The following CD226 variants were observed in gnomAD, a reference collection of about 807,000 sequenced individuals.
CD226 encodes CD226 antigen.
In CD226, 24 loss-of-function variants were observed where a neutral mutation model predicts 34.9. The ratio of observed to expected loss-of-function variants is 0.69; its 90% confidence interval spans 0.50 to 0.97. The LOEUF (loss-of-function observed/expected upper bound fraction) is 0.97, where lower values mean the gene tolerates loss of function less well. CD226 is among the 50% of genes least tolerant of loss of function. CD226 has a pLI of 0.00. For missense variants in CD226, 397 were observed against 412.7 expected (o/e 0.96, Z 0.33); for synonymous variants, 148 against 147.4 (o/e 1.00, Z -0.03).
upstream of CD226, among the ~76,000 whole-genome samples, chr18:69,951,589 T>A (rs1448424064): frequency 1.3e-5 from 2 of 152,128 alleles, no homozygotes; most frequent in African/African-American, 4.8e-5. Flanking sequence ...CTCTGAAGTC[T>A]GAACATATTA....
chr18:69,874,828 A>C (rs560306723), intron 3 of CD226, among the ~76,000 whole-genome samples: 1 of 152,106 alleles, frequency 6.6e-6, no homozygotes, highest in East Asian at 1.9e-4. Context: ...GTCATACAAA[A>C]TTTTTTCTTT....
In CD226 at chr18:69,856,462, T is replaced by C. The variant is rs1982612858; in HGVS notation, c.*7852A>G. The C allele has an allele frequency of 6.6e-6, 1 of 152,196 alleles. No individual in the cohort carries two copies. The highest frequency in any genetic ancestry group is 2.4e-5 in the African/African-American group (1 of 41,462). The allele number at this position is 152,196 out of a possible 1,614,324, so 9.4% of individuals were successfully genotyped here. ...AACGGTGGTATCAATCAGTTTAATC[T>C]AATGGACATTTGTAGAATATTACAC... On this transcript the variant is annotated 3_prime_UTR_variant, in exon 6 of 6. Transcript: ENST00000582621.
At position 69,873,232 on chromosome 18, in the gene CD226, G is replaced by C; in HGVS notation, c.742C>G (p.Gln248Glu). Reference protein sequence around the residue: ...LTVAEGKTDNQYTLFVAGGTV... With the variant: ...LTVAEGKTDNEYTLFVAGGTV... The stretch of plus-strand genomic sequence containing the variant: ...CCTCCAGCCACAAAGAGGGTATATT[G>C]GTTATCGGTTTTACCTAGGAGAGAA... Residue 248 changes from glutamine to glutamate, a missense_variant, in exon 4 of 6, where the codon CAA becomes GAA. By Grantham distance (29) the Gln-to-Glu change is conservative. Transcript: ENST00000582621. The C allele has an allele frequency of 6.3e-7, 1 of 1,598,084 alleles. No individual in the cohort carries two copies. Among genetic ancestry groups the C allele is most frequent in the Non-Finnish European group, 8.6e-7 (1 of 1,165,924 alleles).
intron 3 of CD226, among the ~76,000 whole-genome samples, chr18:69,891,812 T>C (rs1415180380): frequency 6.6e-6 from 1 of 152,236 alleles, no homozygotes; most frequent in Non-Finnish European, 1.5e-5. Context: ...CTGAAAATCA[T>C]ATAGCAACTT....
At chr18:69,903,714 C>T (rs2055215616) in intron 2 of CD226, among the ~76,000 whole-genome samples, 1 of 151,982 alleles carries the variant, frequency 6.6e-6, no homozygotes, top group Admixed American at 6.6e-5. Context: ...TTGATGCTTC[C>T]ACGAGCCAAG....
chr18:69,865,934 G>C (rs1983114844), intron 5 of CD226, among the ~76,000 whole-genome samples: 1 of 152,098 alleles, frequency 6.6e-6, no homozygotes, highest in Non-Finnish European at 1.5e-5. Flanking sequence ...ACTGTAGACT[G>C]GGTTGCTTAA....
chr18:69,890,541 A>G (rs940542579), intron 3 of CD226, among the ~76,000 whole-genome samples: 1 of 152,254 alleles, frequency 6.6e-6, no homozygotes, highest in African/African-American at 2.4e-5. Flanking sequence ...AGTTTGAGAA[A>G]TCCAAGATGC....
chr18:69,877,876 G>C (rs1450181706), intron 3 of CD226, among the ~76,000 whole-genome samples: 1 of 152,218 alleles, frequency 6.6e-6, no homozygotes, highest in East Asian at 1.9e-4. Flanking sequence ...GAGTCAGGTA[G>C]AGATTCAATC....
chr18:69,906,350 C>T (rs1374488012), intron 2 of CD226, among the ~76,000 whole-genome samples: 3 of 152,166 alleles, frequency 2.0e-5, no homozygotes, highest in Non-Finnish European at 4.4e-5. Context: ...ATCAGAGGTT[C>T]ACCATTGCTA....
upstream of CD226, among the ~76,000 whole-genome samples, chr18:69,959,269 C>T (rs145275081): frequency 2.0e-4 from 30 of 152,194 alleles, no homozygotes; most frequent in African/African-American, 6.7e-4. Flanking sequence ...AACAAATGGA[C>T]GTAAAGAGGG....
At position 69,926,126 on chromosome 18, in the gene CD226, G is replaced by C. The variant is rs2055518747; in HGVS notation, c.382+20608C>G. 2.0e-5 allele frequency among the ~76,000 whole-genome samples: 3 copies of C among 152,056 alleles called. No homozygotes were observed. In the South Asian group the frequency reaches 6.2e-4, roughly 32 times the overall value. On this transcript the variant is annotated intron_variant, in intron 2 of 5. Transcript: ENST00000582621. The stretch of plus-strand genomic sequence containing the variant: ...CCACTGCACTCCAGACTGGGCGACA[G>C]AGTGAGACTCCATCTCAAAACAACA...
chr18:69,863,417 G>T lies in CD226; in HGVS notation c.*897C>A, dbSNP rs1012242772. On this transcript the variant is annotated 3_prime_UTR_variant, in exon 6 of 6. Transcript: ENST00000582621. ...TGCTCCTAAGGCTAGACCTGGGATG[G>T]CGGCAAGAATTCTATACAGAATGAG... 6.6e-6 allele frequency: 1 copy of T among 152,112 alleles called. No homozygotes were observed. The highest frequency in any genetic ancestry group is 1.5e-5 in the Non-Finnish European group (1 of 68,020). The allele number at this position is 152,112 out of a possible 1,614,324, so 9.4% of individuals were successfully genotyped here.
At chr18:69,924,375 C>T (rs1231604446) in intron 2 of CD226, among the ~76,000 whole-genome samples, 3 of 152,002 alleles carry the variant, frequency 2.0e-5, no homozygotes. Flanking sequence ...CACTTTGAAT[C>T]ATCTGTCATG....
chr18:69,940,993 G>A (rs936210623), intron 2 of CD226, among the ~76,000 whole-genome samples: 4 of 152,190 alleles, frequency 2.6e-5, no homozygotes, highest in East Asian at 1.9e-4. Flanking sequence ...TCCCAGCCAC[G>A]GCTAAAAGGG....
At chr18:69,888,813 A>G (rs1598973127) in intron 3 of CD226, among the ~76,000 whole-genome samples, 6 of 152,330 alleles carry the variant, frequency 3.9e-5, no homozygotes, top group East Asian at 3.9e-4. Flanking sequence ...ATGTTCTTCA[A>G]TATAATAGTG....
chr18:69,919,228 C>T (rs1056455603), intron 2 of CD226, among the ~76,000 whole-genome samples: 13 of 152,178 alleles, frequency 8.5e-5, no homozygotes, highest in African/African-American at 3.1e-4. Context: ...TCAAGGATAA[C>T]CAAGAACTGG....
At chr18:69,905,864 G>C (rs988330592) in intron 2 of CD226, among the ~76,000 whole-genome samples, 6 of 152,222 alleles carry the variant, frequency 3.9e-5, no homozygotes, top group African/African-American at 1.4e-4. Context: ...TTCAGAAGCA[G>C]CTATTGCCCG....
upstream of CD226, among the ~76,000 whole-genome samples, chr18:69,960,298 G>C (rs1174085130): frequency 6.6e-6 from 1 of 150,734 alleles, no homozygotes; most frequent in African/African-American, 2.4e-5. Context: ...GGCAATAAAA[G>C]ACTGAGTTAA....
intron 2 of CD226, among the ~76,000 whole-genome samples, chr18:69,917,624 AT>A (rs2055401543): frequency 6.6e-6 from 1 of 152,132 alleles, no homozygotes; most frequent in Non-Finnish European, 1.5e-5. Flanking sequence ...CTCCTACCTG[AT>A]TTTAGTGAGT....
Sources: allele counts gnomAD v4.1 joint callset (sites outside exome capture counted in the v4.1 genomes callset), GRCh38; gene constraint gnomAD v4.1.1; transcripts MANE v1.5; gene names NCBI Gene and HGNC (gene_info 2026-07-23, HGNC 2026-07-21).